The following RGS7 variants were observed in gnomAD, a reference collection of about 807,000 sequenced individuals.
The protein encoded by RGS7 is regulator of G-protein signaling 7.
A neutral mutation model predicts 81.1 loss-of-function variants in RGS7; 27 were observed. The ratio of observed to expected loss-of-function variants is 0.33; its 90% CI spans 0.25 to 0.46. RGS7 has a LOEUF of 0.46. Ranked by LOEUF, RGS7 falls within the 20% of genes least tolerant of loss-of-function variation. The pLI is 1.00. For missense variants in RGS7, 396 were observed against 607.4 expected, an observed-to-expected ratio of 0.65 and a Z score of 3.66; for synonymous variants, 208 against 207.7, an observed-to-expected ratio of 1.00 and a Z score of -0.01.
At chr1:241,249,955 T>C (rs2076748961) in intron 2 of RGS7, among the ~76,000 whole-genome samples, 1 of 152,132 alleles carries the variant, frequency 6.6e-6, no homozygotes, top group Non-Finnish European at 1.5e-5. Context: ...GGAATATATA[T>C]AGTATTATCC....
chr1:240,933,693 T>C (rs970238381), intron 5 of RGS7, among the ~76,000 whole-genome samples: 2 of 151,988 alleles, frequency 1.3e-5, no homozygotes, highest in African/African-American at 4.8e-5. Flanking sequence ...AGGATGAAAC[T>C]CATCCAAAAC....
chr1:241,272,514 G>A (rs975448007), intron 2 of RGS7, among the ~76,000 whole-genome samples: 8 of 152,228 alleles, frequency 5.3e-5, no homozygotes, highest in Non-Finnish European at 1.2e-4. Context: ...TCAAATTATG[G>A]CATCTCATAT....
At chr1:241,017,548 C>G (rs1265137091) in intron 3 of RGS7, among the ~76,000 whole-genome samples, 8 of 149,364 alleles carry the variant, frequency 5.4e-5, no homozygotes. Flanking sequence ...GTCTTTATTT[C>G]TCTGTCACCT....
rs150545906 is a variant in RGS7 at position 240,925,355 on chromosome 1, C to T, written c.385+5362G>A. On this transcript the variant is annotated intron_variant, in intron 6 of 18. Transcript: ENST00000440928. Reference sequence around the variant, plus strand: ...ATGTATACCCAATGTTTAGCTCCCTCTTATAAGTGAGAACATGTGGTATTT... The same window carrying T: ...ATGTATACCCAATGTTTAGCTCCCTTTTATAAGTGAGAACATGTGGTATTT... 6.5e-4 allele frequency among the ~76,000 whole-genome samples: 99 copies of T among 152,184 alleles called. 1 individual carries two copies. In the East Asian group the frequency reaches 0.018, roughly 27 times the overall value.
At chr1:240,995,277 G>C (rs1377116020) in intron 3 of RGS7, among the ~76,000 whole-genome samples, 5 of 152,052 alleles carry the variant, frequency 3.3e-5, no homozygotes, top group Admixed American at 1.3e-4. Context: ...TCTTAATGAA[G>C]GATACTGGTT....
chr1:241,034,211 G>A (rs2060221604), intron 3 of RGS7, among the ~76,000 whole-genome samples: 1 of 152,180 alleles, frequency 6.6e-6, no homozygotes, highest in South Asian at 2.1e-4. Flanking sequence ...CTCGACTACA[G>A]CCTTAGTATT....
At chr1:240,973,536 G>T (rs928758103) in intron 4 of RGS7, among the ~76,000 whole-genome samples, 12 of 151,920 alleles carry the variant, frequency 7.9e-5, no homozygotes, top group African/African-American at 2.4e-4. Context: ...CTAATTAAAT[G>T]ATTTGGAAAA....
chr1:241,096,565 T>G (rs1247072955), intron 3 of RGS7, among the ~76,000 whole-genome samples: 1 of 152,226 alleles, frequency 6.6e-6, no homozygotes, highest in East Asian at 1.9e-4. Context: ...CTTTATTGAA[T>G]AGCTACCACT....
chr1:241,245,110 A>G (rs1393912890), intron 2 of RGS7, among the ~76,000 whole-genome samples: 1 of 152,174 alleles, frequency 6.6e-6, no homozygotes, highest in Non-Finnish European at 1.5e-5. Flanking sequence ...ATAATAATAA[A>G]AAAGAAAGAA....
Position 240,793,586 on chromosome 1 carries a change from A to AATATATATATAT in RGS7, c.*6+7043_*6+7054dup, listed in dbSNP as rs777839011. Reference sequence around the variant, plus strand: ...TTATTTTCACTGAAGGTGTAGTAGGAATATATATATATATATATATATATA... The same window carrying AATATATATATAT: ...TTATTTTCACTGAAGGTGTAGTAGGAATATATATATATATATATATATATATATATATATATA... On this transcript the variant is annotated intron_variant, in intron 18 of 18. Coordinates refer to ENST00000440928, the MANE Select transcript of RGS7 (RefSeq NM_001364886.1). Among the ~76,000 whole-genome samples the AATATATATATAT allele has an allele frequency of 4.0e-4, 41 of 102,302 alleles. 3 individuals carry two copies. Among genetic ancestry groups the AATATATATATAT allele is most frequent in the African/African-American group, 2.1e-3 (33 of 16,018 alleles). The allele number at this position is 102,302 out of a possible 152,430, so 67.1% of individuals were successfully genotyped here.
chr1:240,955,551 C>CAAAAAAAAAAAAAAAAA (rs369155474), intron 4 of RGS7, among the ~76,000 whole-genome samples: 63 of 140,252 alleles, frequency 4.5e-4, no homozygotes, highest in Non-Finnish European at 6.9e-4. Context: ...GACTCTGTCT[C>CAAAAAAAAAAAAAAAAA]AAAAAAAAAA....
At chr1:241,337,519 G>C (rs1195919344) in intron 2 of RGS7, among the ~76,000 whole-genome samples, 1 of 151,988 alleles carries the variant, frequency 6.6e-6, no homozygotes, top group Non-Finnish European at 1.5e-5. Context: ...TCAACACAAA[G>C]TACACACAGC....
intron 2 of RGS7, among the ~76,000 whole-genome samples, chr1:241,139,377 G>T (rs534607778): frequency 2.1e-4 from 31 of 149,792 alleles, no homozygotes; most frequent in African/African-American, 7.6e-4. Flanking sequence ...ACTACATTTT[G>T]TTTATCCATT....
intron 2 of RGS7, among the ~76,000 whole-genome samples, chr1:241,320,766 A>G (rs2081160941): frequency 6.6e-6 from 1 of 152,218 alleles, no homozygotes; most frequent in African/African-American, 2.4e-5. Context: ...CAGTTGCAGT[A>G]GTGTTATTAA....
chr1:241,067,489 T>C (rs1409611366), intron 3 of RGS7, among the ~76,000 whole-genome samples: 1 of 151,384 alleles, frequency 6.6e-6, no homozygotes, highest in East Asian at 2.0e-4. Context: ...TAGTAGAACA[T>C]TCAAGTAAAA....
chr1:241,247,521 G>A (rs1253253193), intron 2 of RGS7, among the ~76,000 whole-genome samples: 1 of 152,148 alleles, frequency 6.6e-6, no homozygotes, highest in East Asian at 1.9e-4. Flanking sequence ...GTTGCATGCT[G>A]TTGTTCTTTA....
intron 2 of RGS7, among the ~76,000 whole-genome samples, chr1:241,145,009 G>T (rs2068210309): frequency 6.7e-6 from 1 of 149,936 alleles, no homozygotes; most frequent in Admixed American, 6.6e-5. Flanking sequence ...TCAGCCTTGG[G>T]TGTCGATGAA....
At chr1:241,215,442 C>T (rs1022503310) in intron 2 of RGS7, among the ~76,000 whole-genome samples, 2 of 152,192 alleles carry the variant, frequency 1.3e-5, no homozygotes, top group Non-Finnish European at 2.9e-5. Flanking sequence ...TTGGTTTCCT[C>T]TAGGGCTCCT....
chr1:241,141,077 C>T (rs934167643), intron 2 of RGS7, among the ~76,000 whole-genome samples: 4 of 152,146 alleles, frequency 2.6e-5, no homozygotes, highest in African/African-American at 9.7e-5. Flanking sequence ...AGCAGCTCTC[C>T]CTAACCCAGA....
Sources: gnomAD v4.1 joint callset for allele counts (sites outside exome capture counted in the v4.1 genomes callset) on GRCh38, gnomAD v4.1.1 for gene constraint, MANE v1.5 for transcripts, NCBI Gene and HGNC (gene_info 2026-07-23, HGNC 2026-07-21) for gene names.